The following STPG2 variants were observed in gnomAD, a reference collection of about 807,000 sequenced individuals.
STPG2 encodes the protein sperm tail PG-rich repeat containing 2, also known as sperm-tail PG-rich repeat-containing protein 2.
In STPG2, 56 loss-of-function variants were observed where a neutral mutation model predicts 54.2. The ratio of observed to expected loss-of-function variants is 1.03; its 90% CI spans 0.83 to 1.29. The LOEUF (loss-of-function observed/expected upper bound fraction) is 1.29. Ranked by LOEUF, STPG2 falls within the 50% of genes most tolerant of loss-of-function variation. The pLI is 0.00. For missense variants in STPG2, 596 were observed against 544.9 expected (o/e 1.09, Z -0.93); for synonymous variants, 200 against 181.8 (o/e 1.10, Z -0.81).
intron 5 of STPG2, among the ~76,000 whole-genome samples, chr4:98,005,234 C>A (rs1353227883): frequency 1.3e-5 from 2 of 152,114 alleles, no homozygotes; most frequent in Non-Finnish European, 2.9e-5. Flanking sequence ...TTAGATGATG[C>A]CCACCCAGAT....
chr4:97,907,422 T>G (rs867896983), intron 8 of STPG2, among the ~76,000 whole-genome samples: 6 of 152,180 alleles, frequency 3.9e-5, no homozygotes, highest in Admixed American at 1.3e-4. Flanking sequence ...GAATCAATAT[T>G]GTGAAAATGG....
intron 8 of STPG2, among the ~76,000 whole-genome samples, chr4:97,876,831 C>CGA (rs1406062744): frequency 1.3e-5 from 2 of 151,808 alleles, no homozygotes; most frequent in Non-Finnish European, 2.9e-5. Context: ...CAAAGAGACT[C>CGA]TATGTTTTCT....
intron 5 of STPG2, among the ~76,000 whole-genome samples, chr4:97,992,597 G>A (rs1194621056): frequency 6.6e-6 from 1 of 151,816 alleles, no homozygotes; most frequent in African/African-American, 2.4e-5. Flanking sequence ...TTTTGGTTCC[G>A]TATGAATTTT....
rs77692537 is a variant in STPG2 at position 97,894,526 on chromosome 4, G to A, written c.1044+49371C>T. Among the ~76,000 whole-genome samples, 2,349 of 151,862 alleles carry A rather than the reference G, an allele frequency of 0.015. 119 individuals carry two copies. In the East Asian group the frequency reaches 0.19, roughly 12 times the overall value. On this transcript the variant is annotated intron_variant, in intron 8 of 10. Transcript: ENST00000295268. The stretch of plus-strand genomic sequence containing the variant: ...TCTTCTAGCAACTCCCATTTCTTAT[G>A]ATCATTTCTGATGGGTTCAACTTTT...
chr4:97,945,104 TA>T lies in STPG2; in HGVS notation c.934-1098del, dbSNP rs1578718158. The stretch of plus-strand genomic sequence containing the variant: ...TTTTGGGGTACAAGTGGTTTTTCCT[TA>T]CATGGATGTATAGTACAGTGGTGAA... On this transcript the variant is annotated intron_variant, in intron 7 of 10. Transcript: ENST00000295268. 2.0e-5 allele frequency among the ~76,000 whole-genome samples: 3 copies of T among 152,276 alleles called. No individual in the cohort carries two copies. The East Asian group carries it at 5.8e-4, about 29-fold the overall frequency.
At chr4:97,588,595 G>A (rs1328564646) in intron 10 of STPG2, among the ~76,000 whole-genome samples, 4 of 151,994 alleles carry the variant, frequency 2.6e-5, no homozygotes, top group African/African-American at 9.7e-5. Context: ...GCAGGCAAGA[G>A]TGCAATAAAA....
At chr4:97,949,976 T>C (rs978626203) in intron 7 of STPG2, among the ~76,000 whole-genome samples, 2 of 152,126 alleles carry the variant, frequency 1.3e-5, no homozygotes, top group African/African-American at 4.8e-5. Context: ...CAGGGAAGTT[T>C]TCCTCAATTT....
intron 10 of STPG2, among the ~76,000 whole-genome samples, chr4:97,566,440 C>A (rs555067897): frequency 1.3e-5 from 2 of 152,278 alleles, no homozygotes; most frequent in Non-Finnish European, 2.9e-5. Flanking sequence ...CGTGCTGCAC[C>A]CACTGTCCTG....
rs544371240 is a variant in STPG2, at chr4:97,680,726, G to A, written c.1320+31973C>T. Among the ~76,000 whole-genome samples, 13 of 152,090 alleles carry A rather than the reference G, an allele frequency of 8.5e-5. No homozygotes were observed. The East Asian group carries it at 1.5e-3, about 18-fold the overall frequency. ...CAGTTCTCAAATTCTCTGGATATGA[G>A]TAGAGTAAGAAGAAATGGAATAGCC... On this transcript the variant is annotated intron_variant, in intron 10 of 10. Coordinates refer to ENST00000295268, the MANE Select transcript of STPG2 (RefSeq NM_174952.3).
chr4:97,816,956 T>C, intron 9 of STPG2, among the ~76,000 whole-genome samples: 1 of 147,450 alleles, frequency 6.8e-6, no homozygotes, highest in East Asian at 1.9e-4. Flanking sequence ...GTGTAGAAAA[T>C]ATATATTATA....
chr4:97,938,455 A>ACTGCCTTTCCTCC, intron 8 of STPG2, among the ~76,000 whole-genome samples: 1 of 151,798 alleles, frequency 6.6e-6, no homozygotes, highest in South Asian at 2.1e-4. Context: ...CACAGTGACT[A>ACTGCCTTTCCTCC]AGTCAGAAGG....
chr4:97,492,059 C>A (rs181110410), intron 4 of STPG2, among the ~76,000 whole-genome samples: 86 of 151,384 alleles, frequency 5.7e-4, no homozygotes, highest in Non-Finnish European at 8.9e-4. Flanking sequence ...AATGCTATAG[C>A]AATTTTCTCT....
At chr4:98,046,344 T>C (rs1285733209) in intron 5 of STPG2, among the ~76,000 whole-genome samples, 1 of 152,236 alleles carries the variant, frequency 6.6e-6, no homozygotes, top group East Asian at 1.9e-4. Context: ...GGCCAGTTTC[T>C]GGAGCTTTGT....
intron 10 of STPG2, among the ~76,000 whole-genome samples, chr4:97,656,645 A>C (rs1241491954): frequency 6.6e-6 from 1 of 151,426 alleles, no homozygotes; most frequent in Non-Finnish European, 1.5e-5. Context: ...TTACCCTTAA[A>C]TATAAATATA....
chr4:97,561,982 T>G (rs1036586376), intron 10 of STPG2, among the ~76,000 whole-genome samples: 8 of 152,140 alleles, frequency 5.3e-5, no homozygotes, highest in Admixed American at 3.9e-4. Context: ...GTGAAGAAAG[T>G]CATTGGTAGC....
intron 4 of STPG2, among the ~76,000 whole-genome samples, chr4:97,536,821 A>G (rs1427717608): frequency 6.6e-6 from 1 of 152,166 alleles, no homozygotes; most frequent in Non-Finnish European, 1.5e-5. Context: ...TACATCTTAA[A>G]TATCTCACAA....
At chr4:97,684,266 A>C (rs903954378) in intron 10 of STPG2, among the ~76,000 whole-genome samples, 3 of 151,950 alleles carry the variant, frequency 2.0e-5, no homozygotes, top group African/African-American at 7.2e-5. Flanking sequence ...ATAGAAAGGA[A>C]AAAGATCCAG....
intron 9 of STPG2, among the ~76,000 whole-genome samples, chr4:97,735,787 T>A (rs1221351806): frequency 6.6e-6 from 1 of 151,898 alleles, no homozygotes; most frequent in Non-Finnish European, 1.5e-5. Context: ...TATGTTAACC[T>A]TATATATAGA....
At chr4:98,093,349 C>T (rs1384078458) in intron 5 of STPG2, among the ~76,000 whole-genome samples, 1 of 152,094 alleles carries the variant, frequency 6.6e-6, no homozygotes, top group Non-Finnish European at 1.5e-5. Context: ...AACAATACTA[C>T]ATGTACAAAT....
Sources: gnomAD v4.1 joint callset for allele counts (sites outside exome capture counted in the v4.1 genomes callset) on GRCh38, gnomAD v4.1.1 for gene constraint, MANE v1.5 for transcripts, NCBI Gene and HGNC (gene_info 2026-07-23, HGNC 2026-07-21) for gene names.